Variants in CSGALNACT1 observed in about 807,000 individuals in gnomAD.
CSGALNACT1 encodes the protein beta4GalNAcT-1.
A neutral mutation model predicts 51.0 loss-of-function variants in CSGALNACT1; 52 were observed. The observed-to-expected ratio is 1.02, with a 90% CI of 0.82 to 1.29. CSGALNACT1 has a LOEUF of 1.29. Ranked by LOEUF, CSGALNACT1 falls within the 50% of genes most tolerant of loss-of-function variation. The pLI is 0.00. For missense variants in CSGALNACT1, 935 were observed against 679.2 expected (o/e 1.38, Z -4.19); for synonymous variants, 341 against 254.4 (o/e 1.34, Z -3.24).
intron 3 of CSGALNACT1, among the ~76,000 whole-genome samples, chr8:19,512,285 G>A (rs2078615787): frequency 6.6e-6 from 1 of 152,160 alleles, no homozygotes; most frequent in Non-Finnish European, 1.5e-5. Context: ...GCAACCCCCT[G>A]AAAGAGCTTG....
chr8:19,410,685 G>A (rs553689188), intron 8 of CSGALNACT1, among the ~76,000 whole-genome samples: 152 of 152,350 alleles, frequency 1.0e-3, no homozygotes, highest in Non-Finnish European at 1.9e-3. Flanking sequence ...TGGGAACAGC[G>A]TGATGGAGGC....
intron 3 of CSGALNACT1, among the ~76,000 whole-genome samples, chr8:19,558,311 G>A (rs1464002173): frequency 4.6e-5 from 7 of 152,152 alleles, no homozygotes; most frequent in Non-Finnish European, 8.8e-5. Flanking sequence ...TTGATTGCCA[G>A]TATCATGTTT....
intron 4 of CSGALNACT1, among the ~76,000 whole-genome samples, chr8:19,467,276 T>A (rs1314131224): frequency 2.0e-5 from 3 of 151,954 alleles, no homozygotes; most frequent in Non-Finnish European, 4.4e-5. Context: ...CCCGCCACCA[T>A]GACTGGCTAA....
chr8:19,423,620 T>A (rs2058302043), intron 6 of CSGALNACT1, among the ~76,000 whole-genome samples: 1 of 152,208 alleles, frequency 6.6e-6, no homozygotes, highest in Non-Finnish European at 1.5e-5. Context: ...AGGTACCTAG[T>A]GTCTGACATG....
chr8:19,646,038 A>G (rs2154180271), intron 1 of CSGALNACT1, among the ~76,000 whole-genome samples: 1 of 152,336 alleles, frequency 6.6e-6, no homozygotes, highest in Non-Finnish European at 1.5e-5. Context: ...AATAACAAGA[A>G]ATGAGTGAGA....
At chr8:19,408,666 C>T (rs1454965072) in exon 9 of CSGALNACT1, 2 of 1,613,836 alleles carry the variant, frequency 1.2e-6, no homozygotes, top group Admixed American at 3.3e-5. Flanking sequence ...TCCAAAGTCT[C>T]TCCAAAATCC....
chr8:19,468,582 G>T (rs575685663), intron 4 of CSGALNACT1, among the ~76,000 whole-genome samples: 1 of 152,106 alleles, frequency 6.6e-6, no homozygotes, highest in African/African-American at 2.4e-5. Context: ...AAAGAACCAC[G>T]ATGGTTTAGC....
intron 1 of CSGALNACT1, among the ~76,000 whole-genome samples, chr8:19,622,613 A>AT (rs1469378457): frequency 6.6e-6 from 1 of 152,266 alleles, no homozygotes; most frequent in Non-Finnish European, 1.5e-5. Context: ...AGTTAAAAGT[A>AT]TTTTAAAGCC....
intron 1 of CSGALNACT1, among the ~76,000 whole-genome samples, chr8:19,618,804 G>T: frequency 6.6e-6 from 1 of 152,088 alleles, no homozygotes; most frequent in Non-Finnish European, 1.5e-5. Flanking sequence ...AGGCACAGCT[G>T]CATCTCTAAG....
intron 3 of CSGALNACT1, among the ~76,000 whole-genome samples, chr8:19,547,518 C>T (rs1433926069): frequency 6.6e-6 from 1 of 152,134 alleles, no homozygotes; most frequent in African/African-American, 2.4e-5. Flanking sequence ...GGGTTTCCCC[C>T]TTCGCTTGGC....
intron 2 of CSGALNACT1, among the ~76,000 whole-genome samples, chr8:19,595,517 T>C (rs944766738): frequency 1.1e-4 from 16 of 152,192 alleles, no homozygotes; most frequent in African/African-American, 3.6e-4. Flanking sequence ...ATGATTTTCA[T>C]GAAAAAATTA....
intron 3 of CSGALNACT1, among the ~76,000 whole-genome samples, chr8:19,573,385 GC>G: frequency 6.6e-6 from 1 of 152,258 alleles, no homozygotes; most frequent in Admixed American, 6.5e-5. Context: ...CTTGGCAGGT[GC>G]CAGGACCTTT....
chr8:19,566,052 G>T (rs920555507), intron 3 of CSGALNACT1, among the ~76,000 whole-genome samples: 1 of 152,226 alleles, frequency 6.6e-6, no homozygotes, highest in Non-Finnish European at 1.5e-5. Flanking sequence ...CGAAAAAGAT[G>T]TATCTGTCTC....
intron 1 of CSGALNACT1, among the ~76,000 whole-genome samples, chr8:19,755,474 A>AAAAAAAAAAAAAAAAC (rs1198641722): frequency 1.3e-5 from 2 of 150,202 alleles, no homozygotes; most frequent in Non-Finnish European, 3.0e-5. Context: ...AAAAAAAAAA[A>AAAAAAAAAAAAAAAAC]AAAAAAAGAC....
At position 19,666,127 on chromosome 8, in the gene CSGALNACT1, C is replaced by G. The variant is rs189896348; in HGVS notation, c.-544+16346G>C. On this transcript the variant is annotated intron_variant, in intron 1 of 9. Transcript: ENST00000332246. Reference sequence around the variant, plus strand: ...CAAGATTTTTCCCTTTGTTCCTGTACAACACTGGTGAAAGGAGGGTGCTCC... The same window carrying G: ...CAAGATTTTTCCCTTTGTTCCTGTAGAACACTGGTGAAAGGAGGGTGCTCC... Among the ~76,000 whole-genome samples the G allele has an allele frequency of 2.6e-5, 4 of 152,250 alleles. No homozygotes were observed. In the East Asian group the frequency reaches 7.7e-4, roughly 29 times the overall value.
At chr8:19,742,616 A>C (rs1465866280) in intron 1 of CSGALNACT1, among the ~76,000 whole-genome samples, 2 of 152,230 alleles carry the variant, frequency 1.3e-5, no homozygotes, top group East Asian at 3.8e-4. Flanking sequence ...CTGCCCTGGG[A>C]ATTTTCATCA....
chr8:19,505,911 A>G lies in CSGALNACT1; in HGVS notation c.-77T>C, dbSNP rs760726307. On this transcript the variant is annotated 5_prime_UTR_variant, in exon 4 of 10. It removes the in-frame stop codon of an upstream open reading frame in the 5' UTR. Coordinates refer to ENST00000454498, the Ensembl canonical transcript of CSGALNACT1. ...CCCCACGGAAGGGCTTCCCTGGGCT[A>G]GACCACAGGAAGCATGCGTTTGGGG... 6.4e-7 allele frequency: 1 copy of G among 1,573,514 alleles called. No homozygotes were observed. The highest frequency in any genetic ancestry group is 8.6e-7 in the Non-Finnish European group (1 of 1,156,726).
intron 3 of CSGALNACT1, among the ~76,000 whole-genome samples, chr8:19,570,920 A>C (rs548661659): frequency 2.2e-4 from 33 of 152,260 alleles, no homozygotes; most frequent in South Asian, 4.1e-4. Flanking sequence ...TCAAAAAACA[A>C]ACAAACAAAC....
intron 1 of CSGALNACT1, among the ~76,000 whole-genome samples, chr8:19,629,805 A>G (rs1388844280): frequency 6.6e-6 from 1 of 152,188 alleles, no homozygotes; most frequent in African/African-American, 2.4e-5. Flanking sequence ...AAGGAAACCT[A>G]TGCTTCTAAT....
Sources: allele counts gnomAD v4.1 joint callset (sites outside exome capture counted in the v4.1 genomes callset), GRCh38; gene constraint gnomAD v4.1.1; transcripts MANE v1.5; gene names NCBI Gene and HGNC (gene_info 2026-07-23, HGNC 2026-07-21).